Variants in ENY2 observed in about 807,000 individuals in gnomAD.
ENY2 encodes transcription and mRNA export factor ENY2.
Under a neutral mutation model 15.9 loss-of-function variants are expected in ENY2, and 4 were observed. The observed-to-expected ratio is 0.25, with a 90% CI of 0.12 to 0.57. The LOEUF is 0.57. Ranked by LOEUF, ENY2 falls within the 20% of genes least tolerant of loss-of-function variation. ENY2 has a pLI of 0.91. For synonymous variants in ENY2, 48 were observed against 38.0 expected (o/e 1.26, Z -0.97); for missense variants, 54 against 117.2 (o/e 0.46, Z 2.49).
chr8:109,341,174 T>C (rs897658105), intron 4 of ENY2, among the ~76,000 whole-genome samples: 3 of 152,190 alleles, frequency 2.0e-5, no homozygotes, highest in Non-Finnish European at 4.4e-5. Flanking sequence ...ATCATTGTTA[T>C]CTTAGATATA....
intron 3 of ENY2, 179 bp downstream of exon 3, chr8:109,339,569 A>G: frequency 2.0e-6 from 1 of 497,812 alleles, no homozygotes; most frequent in Non-Finnish European, 3.5e-6. Context: ...AATTTTTAGA[A>G]ATTTTCTGTT....
intron 3 of ENY2, chr8:109,340,218 A>G: frequency 7.6e-6 from 3 of 395,696 alleles, no homozygotes; most frequent in South Asian, 7.4e-5. Context: ...CATTTTACAG[A>G]TGTTAGATTT....
intron 2 of ENY2, 58 bp from the exon 3 acceptor site, chr8:109,339,262 A>G (rs1563692134): frequency 6.6e-7 from 1 of 1,517,766 alleles, no homozygotes; most frequent in Non-Finnish European, 9.1e-7. Context: ...TTTGCTTCAT[A>G]CATTCCTGTC....
intron 2 of ENY2, chr8:109,336,442 G>A: frequency 2.4e-6 from 1 of 418,426 alleles, no homozygotes; most frequent in East Asian, 4.1e-5. Context: ...ATTTGATGGA[G>A]AAGAAAAAGT....
chr8:109,343,029 A>C (rs1277389485), intron 4 of ENY2, among the ~76,000 whole-genome samples: 2 of 152,096 alleles, frequency 1.3e-5, no homozygotes. Flanking sequence ...CTGGAAGAAC[A>C]TTTCCTCAGT....
intron 3 of ENY2, 165 bp from the exon 4 acceptor site, chr8:109,340,324 A>C (rs1239178028): frequency 2.1e-6 from 2 of 931,042 alleles, no homozygotes; most frequent in Non-Finnish European, 3.2e-6. Context: ...TTTAGATCTA[A>C]AGAATACTTG....
intron 4 of ENY2, chr8:109,342,679 A>AT: frequency 1.4e-6 from 1 of 696,692 alleles, no homozygotes; most frequent in East Asian, 2.7e-5. Flanking sequence ...CACTAATTTT[A>AT]TTTTTTGTAG....
chr8:109,335,790 G>C (rs1438838695), intron 1 of ENY2: 1 of 177,818 alleles, frequency 5.6e-6, no homozygotes, highest in Non-Finnish European at 1.2e-5. Flanking sequence ...GGAGCTCCTA[G>C]GGTCAAAGTA....
rs978838928 is a variant in ENY2 at position 109,345,903 on chromosome 8, A to G, written c.*2422A>G. The G allele has an allele frequency of 6.6e-6, 1 of 152,128 alleles. No individual in the cohort carries two copies. The highest frequency in any genetic ancestry group is 1.5e-5 in the Non-Finnish European group (1 of 68,008). 9.4% of individuals were successfully genotyped at this position (152,128 alleles called of 1,614,324 possible). On this transcript the variant is annotated 3_prime_UTR_variant, in exon 5 of 5. Coordinates refer to ENST00000521688, the MANE Select transcript of ENY2 (RefSeq NM_020189.6). ...CTTTGACAACTTACAAATGTTCTCT[A>G]GTTTGTATCTAGAATCACTTATATC...
At chr8:109,340,677 CT>C (rs1816092404) in intron 4 of ENY2, 114 bp downstream of exon 4, 2 of 1,385,192 alleles carry the variant, frequency 1.4e-6, no homozygotes, top group Admixed American at 2.3e-5. Flanking sequence ...CCTGTGTTGC[CT>C]CTTGTAAAGA....
intron 2 of ENY2, among the ~76,000 whole-genome samples, chr8:109,337,730 C>G (rs923466122): frequency 1.3e-5 from 2 of 152,078 alleles, no homozygotes; most frequent in African/African-American, 2.4e-5. Flanking sequence ...GGTGAAACCC[C>G]ATCTCTACTG....
rs527502648 is a variant in ENY2 at position 109,342,784 on chromosome 8, G to A, written c.230-621G>A. 1,630 of 690,378 alleles carry A rather than the reference G, an allele frequency of 2.4e-3. 14 individuals are homozygous for A. The highest frequency in any genetic ancestry group is 0.013 in the Middle Eastern group (54 of 4,214). The allele number at this position is 690,378 out of a possible 1,614,324, so 42.8% of individuals were successfully genotyped here. On this transcript the variant is annotated intron_variant, in intron 4 of 4. Transcript: ENST00000521688. ...CTTCCAGACTGCTGGGATGACAGGC[G>A]TGAGCCATCGTACCCAGCCAACACA... is the stretch of plus-strand genomic sequence containing the variant.
At chr8:109,341,128 A>G (rs1326949168) in intron 4 of ENY2, among the ~76,000 whole-genome samples, 1 of 152,140 alleles carries the variant, frequency 6.6e-6, no homozygotes, top group Non-Finnish European at 1.5e-5. Flanking sequence ...ATTATGTTAA[A>G]ACTGATGATG....
At chr8:109,340,318 G>A in intron 3 of ENY2, 171 bp from the exon 4 acceptor site, 5 of 856,842 alleles carry the variant, frequency 5.8e-6, no homozygotes, top group Non-Finnish European at 7.0e-6. Context: ...TTATCTTTTA[G>A]ATCTAAAGAA....
At chr8:109,340,658 A>T in intron 4 of ENY2, 95 bp downstream of exon 4, 1 of 1,507,012 alleles carries the variant, frequency 6.6e-7, no homozygotes, top group Non-Finnish European at 9.0e-7. Context: ...TTTTTAAGGA[A>T]AAGCACTACC....
At chr8:109,341,293 A>C (rs1245889739) in intron 4 of ENY2, among the ~76,000 whole-genome samples, 1 of 152,194 alleles carries the variant, frequency 6.6e-6, no homozygotes, top group African/African-American at 2.4e-5. Context: ...ATTTAAGTGT[A>C]AAAAGTAAAT....
At position 109,339,329 on chromosome 8, in the gene ENY2, G is replaced by A. The variant is rs1353658430; in HGVS notation, c.93G>A (p.Glu31=). The A allele has an allele frequency of 1.2e-6, 2 of 1,613,818 alleles. No homozygotes were observed. The highest frequency in any genetic ancestry group is 1.7e-5 in the Admixed American group (1 of 60,016). ...ACTTCTGTTTCAACAGCCTCAAAGA[G>A]TTGCTGAGAGCTAAATTAATTGAAT... The part of the protein sequence containing the change: ...IETGERERLK[E]LLRAKLIECG... The change falls in exon 3 of 5, where the codon GAG becomes GAA. Residue 31 remains glutamate, a synonymous_variant. Coordinates refer to ENST00000521688, the MANE Select transcript of ENY2 (RefSeq NM_020189.6).
chr8:109,336,085 C>T (rs1311586648), intron 1 of ENY2, 43 bp from the exon 2 acceptor site: 3 of 1,589,438 alleles, frequency 1.9e-6, no homozygotes, highest in African/African-American at 2.7e-5. Flanking sequence ...GCAGAAAATG[C>T]TTTGTAAATG....
intron 2 of ENY2, among the ~76,000 whole-genome samples, chr8:109,337,602 CAA>C (rs1816015208): frequency 1.3e-5 from 2 of 151,952 alleles, no homozygotes; most frequent in Admixed American, 1.3e-4. Flanking sequence ...ATAGAAAAAA[CAA>C]AGAAGAAATC....
Sources: allele counts gnomAD v4.1 joint callset (sites outside exome capture counted in the v4.1 genomes callset), GRCh38; gene constraint gnomAD v4.1.1; transcripts MANE v1.5; gene names NCBI Gene and HGNC (gene_info 2026-07-23, HGNC 2026-07-21).